The following SSBP2 variants were observed in gnomAD, a reference collection of about 807,000 sequenced individuals.
SSBP2 encodes single stranded DNA binding protein 2, also known as single-stranded DNA-binding protein 2.
SSBP2 carries 17 observed loss-of-function variants against 61.8 expected under a neutral mutation model. The ratio of observed to expected loss-of-function variants is 0.28; its 90% CI spans 0.19 to 0.41. SSBP2 has a LOEUF of 0.41. Among genes scored for constraint, SSBP2 ranks in the 10% least tolerant of loss-of-function variants. The probability of loss-of-function intolerance (pLI) is 1.00; values close to 1 mark genes in which losing one functional copy is unlikely to be tolerated. For missense variants in SSBP2, 310 were observed against 458.7 expected, an observed-to-expected ratio of 0.68 and a Z score of 2.96; for synonymous variants, 139 against 141.3, an observed-to-expected ratio of 0.98 and a Z score of 0.12.
intron 8 of SSBP2, among the ~76,000 whole-genome samples, chr5:81,467,850 C>T (rs776536566): frequency 7.9e-5 from 12 of 151,844 alleles, no homozygotes; most frequent in Non-Finnish European, 1.8e-4. Context: ...TTTTATTTTG[C>T]TAAACCTTTA....
At chr5:81,690,137 A>G (rs1047307395) in intron 1 of SSBP2, among the ~76,000 whole-genome samples, 1 of 152,154 alleles carries the variant, frequency 6.6e-6, no homozygotes, top group Non-Finnish European at 1.5e-5. Context: ...AAAACATAAT[A>G]CCAGAGAAAA....
chr5:81,651,190 A>T (rs1021819961), intron 1 of SSBP2, among the ~76,000 whole-genome samples: 1 of 152,108 alleles, frequency 6.6e-6, no homozygotes, highest in African/African-American at 2.4e-5. Flanking sequence ...AGCTCACAAC[A>T]GTTCAGTTTC....
intron 6 of SSBP2, among the ~76,000 whole-genome samples, chr5:81,481,927 G>C (rs775786860): frequency 1.3e-5 from 2 of 151,886 alleles, no homozygotes; most frequent in Non-Finnish European, 2.9e-5. Flanking sequence ...ATAAAAGACA[G>C]GCAGAGTAGA....
chr5:81,718,031 G>A (rs1028717538), intron 1 of SSBP2, among the ~76,000 whole-genome samples: 40 of 152,100 alleles, frequency 2.6e-4, no homozygotes, highest in African/African-American at 9.2e-4. Flanking sequence ...CTCTTGTACC[G>A]CCCTTAGGAT....
chr5:81,731,455 GC>G (rs1009270460), intron 1 of SSBP2, among the ~76,000 whole-genome samples: 26 of 152,194 alleles, frequency 1.7e-4, no homozygotes, highest in African/African-American at 6.3e-4. Context: ...CTTTACTTAT[GC>G]CAAGTAAGAG....
At chr5:81,426,654 G>A (rs1761970736) in intron 16 of SSBP2, among the ~76,000 whole-genome samples, 1 of 152,198 alleles carries the variant, frequency 6.6e-6, no homozygotes, top group Non-Finnish European at 1.5e-5. Context: ...GGGAGAAGCT[G>A]GGGCTTATTC....
chr5:81,693,182 G>A (rs147806595), intron 1 of SSBP2, among the ~76,000 whole-genome samples: 2,028 of 145,792 alleles, frequency 0.014, 44 homozygotes, highest in African/African-American at 0.048. Context: ...CCAGCCTGGC[G>A]ATGGAGCAAG....
At chr5:81,521,612 T>C (rs1769490183) in intron 4 of SSBP2, among the ~76,000 whole-genome samples, 1 of 152,050 alleles carries the variant, frequency 6.6e-6, no homozygotes, top group Non-Finnish European at 1.5e-5. Context: ...CATCTGTTTT[T>C]ATCTTCTAAA....
rs74271580 is a variant in SSBP2 at position 81,490,030 on chromosome 5, TA to T, written c.373-722del. Among the ~76,000 whole-genome samples the T allele has an allele frequency of 5.4e-3, 738 of 135,800 alleles. 1 individual carries two copies. Among genetic ancestry groups the T allele is most frequent in the Middle Eastern group, 7.5e-3 (2 of 268 alleles). 89.1% of individuals were successfully genotyped at this position (135,800 alleles called of 152,430 possible). A position where few individuals can be genotyped will look rare whatever the true frequency, so the allele number is the denominator to read the frequency against. On this transcript the variant is annotated intron_variant, in intron 5 of 16. Coordinates refer to ENST00000320672, the MANE Select transcript of SSBP2 (RefSeq NM_012446.5). ...GGCAACACAGTAACATTTCATTTCTTAAAAAAAAAAAAAAAAATTGACTACA... is the reference window on the plus strand; with the variant it reads ...GGCAACACAGTAACATTTCATTTCTTAAAAAAAAAAAAAAAATTGACTACA...
At chr5:81,722,327 C>T (rs894495485) in intron 1 of SSBP2, among the ~76,000 whole-genome samples, 4 of 151,596 alleles carry the variant, frequency 2.6e-5, no homozygotes, top group Middle Eastern at 6.8e-3. Flanking sequence ...TATAACTATA[C>T]AGGCACATTG....
rs545612941 is a variant in SSBP2 at position 81,685,650 on chromosome 5, C to T, written c.63-35311G>A. On this transcript the variant is annotated intron_variant, in intron 1 of 16. Transcript: ENST00000320672. ...GCTATATTAACTTCTTTTGTTCTTG[C>T]GGTAGGAAGCACAGGTGTTTTCACC... 1.0e-3 allele frequency among the ~76,000 whole-genome samples: 154 copies of T among 152,142 alleles called. 3 individuals carry two copies. Among genetic ancestry groups the T allele is most frequent in the Non-Finnish European group, 1.9e-3 (129 of 68,012 alleles).
intron 5 of SSBP2, among the ~76,000 whole-genome samples, chr5:81,499,679 A>G (rs747461717): frequency 3.7e-4 from 57 of 152,228 alleles, no homozygotes; most frequent in Non-Finnish European, 2.6e-4. Flanking sequence ...CAGTTTGGGT[A>G]AGACAATAAA....
At chr5:81,501,553 TCTTTC>T (rs1419089885) in intron 5 of SSBP2, among the ~76,000 whole-genome samples, 12 of 145,504 alleles carry the variant, frequency 8.2e-5, no homozygotes, top group African/African-American at 2.7e-4. Flanking sequence ...TCCTTTTCTT[TCTTTC>T]TTTTCTTTTT....
chr5:81,688,544 G>A (rs1307723555), intron 1 of SSBP2, among the ~76,000 whole-genome samples: 1 of 152,182 alleles, frequency 6.6e-6, no homozygotes, highest in Non-Finnish European at 1.5e-5. Flanking sequence ...CCCTCACGCA[G>A]CTCCAGGCAC....
chr5:81,714,656 G>T (rs1755052123), intron 1 of SSBP2, among the ~76,000 whole-genome samples: 1 of 152,202 alleles, frequency 6.6e-6, no homozygotes, highest in Non-Finnish European at 1.5e-5. Context: ...GACCAGTGAT[G>T]ATGAGCTTTT....
At chr5:81,608,659 CT>C (rs1048902592) in intron 4 of SSBP2, among the ~76,000 whole-genome samples, 44 of 151,960 alleles carry the variant, frequency 2.9e-4, no homozygotes, top group African/African-American at 1.0e-3. Context: ...AGTTTTCAAA[CT>C]TTTTAAAAGT....
chr5:81,453,758 G>T (rs1056888864), intron 10 of SSBP2, among the ~76,000 whole-genome samples: 1 of 152,016 alleles, frequency 6.6e-6, no homozygotes. Flanking sequence ...GCCTGGCCCT[G>T]GGTTTATTCT....
rs750615305 is a variant in SSBP2, at chr5:81,513,681, T to C, written c.319A>G (p.Ile107Val). The stretch of plus-strand genomic sequence containing the variant: ...ACTGGCATGCCATCTCCTGGGGGAA[T>C]GTTTCCTAGCACTGGACTGGGAGCT... The change falls in exon 5 of 17, where the codon ATT becomes GTT. Residue 107 changes from isoleucine (I) to valine (V), a missense_variant. Physicochemically the swap from Ile to Val is conservative, Grantham distance 29. Coordinates refer to ENST00000320672, the MANE Select transcript of SSBP2 (RefSeq NM_012446.5). 6.2e-7 allele frequency: 1 copy of C among 1,613,150 alleles called. No homozygotes were observed. The highest frequency in any genetic ancestry group is 1.3e-5 in the African/African-American group (1 of 74,970).
intron 1 of SSBP2, among the ~76,000 whole-genome samples, chr5:81,693,637 C>T (rs1753382824): frequency 6.6e-6 from 1 of 152,190 alleles, no homozygotes; most frequent in African/African-American, 2.4e-5. Flanking sequence ...GTTATCACCT[C>T]ACTTCAGTTA....
Sources: gnomAD v4.1 joint callset for allele counts (sites outside exome capture counted in the v4.1 genomes callset) on GRCh38, gnomAD v4.1.1 for gene constraint, MANE v1.5 for transcripts, NCBI Gene and HGNC (gene_info 2026-07-23, HGNC 2026-07-21) for gene names.